ZMYM4: variants seen among roughly 807,000 people sequenced by gnomAD.
ZMYM4 encodes zinc finger MYM-type containing 4, also known as zinc finger MYM-type protein 4.
A neutral mutation model predicts 183.2 loss-of-function variants in ZMYM4; 31 were observed. The observed-to-expected ratio is 0.17, with a 90% CI of 0.13 to 0.23. The LOEUF (loss-of-function observed/expected upper bound fraction) is 0.23, where lower values mean the gene tolerates loss of function less well. ZMYM4 is among the 10% of genes least tolerant of loss of function. The probability of loss-of-function intolerance (pLI) is 1.00; values close to 1 mark genes in which losing one functional copy is unlikely to be tolerated. For missense variants in ZMYM4, 1,273 were observed against 1,840.3 expected, an observed-to-expected ratio of 0.69 and a Z score of 5.64; for synonymous variants, 592 against 631.2, an observed-to-expected ratio of 0.94 and a Z score of 0.93.
At position 35,286,772 on chromosome 1, in the gene ZMYM4, A is replaced by AT. The variant is rs71062872; in HGVS notation, c.39+17725dup. ...ACCCTTGTGCCTGGCTATTTAAATAATTTTTTTTTTTTTTTTTTTTTTTTT... is the reference window on the plus strand; with the variant it reads ...ACCCTTGTGCCTGGCTATTTAAATAATTTTTTTTTTTTTTTTTTTTTTTTTT... On this transcript the variant is annotated intron_variant, in intron 1 of 29. Coordinates refer to ENST00000314607, the MANE Select transcript of ZMYM4 (RefSeq NM_005095.3). 8.1e-3 allele frequency among the ~76,000 whole-genome samples: 376 copies of AT among 46,518 alleles called. 93 individuals are homozygous for AT. Among genetic ancestry groups the AT allele is most frequent in the Non-Finnish European group, 0.013 (287 of 22,878 alleles). 30.5% of individuals were successfully genotyped at this position (46,518 alleles called of 152,430 possible).
chr1:35,384,341 A>G (rs1203751175), intron 9 of ZMYM4, among the ~76,000 whole-genome samples: 1 of 152,202 alleles, frequency 6.6e-6, no homozygotes, highest in African/African-American at 2.4e-5. Flanking sequence ...TCAGGCATAT[A>G]TTCACTTTAC....
chr1:35,306,840 T>G (rs1641555014), intron 1 of ZMYM4, among the ~76,000 whole-genome samples: 2 of 152,212 alleles, frequency 1.3e-5, no homozygotes, highest in Admixed American at 6.5e-5. Flanking sequence ...ATTTGTAGAC[T>G]AGGTTAAGTC....
intron 1 of ZMYM4, among the ~76,000 whole-genome samples, chr1:35,284,557 G>C (rs1640375681): frequency 6.6e-6 from 1 of 152,152 alleles, no homozygotes; most frequent in Non-Finnish European, 1.5e-5. Flanking sequence ...TTTCCCCATT[G>C]AGTGGTCCTG....
chr1:35,314,937 A>T (rs1023860835), intron 1 of ZMYM4, among the ~76,000 whole-genome samples: 3 of 151,836 alleles, frequency 2.0e-5, no homozygotes, highest in African/African-American at 7.3e-5. Flanking sequence ...AGGCAGGAGA[A>T]TTGCTTTAAC....
At chr1:35,396,353 A>G (rs1644808115) in intron 18 of ZMYM4, among the ~76,000 whole-genome samples, 199 bp from the exon 19 acceptor site, 1 of 152,054 alleles carries the variant, frequency 6.6e-6, no homozygotes, top group Non-Finnish European at 1.5e-5. Context: ...GATATTTGTT[A>G]CCCACTTTTT....
At position 35,287,512 on chromosome 1, in the gene ZMYM4, A is replaced by G. The variant is rs144254657; in HGVS notation, c.39+18427A>G. On this transcript the variant is annotated intron_variant, in intron 1 of 29. Transcript: ENST00000314607. ...TCACTATGTCTACAACTGAACTCCT[A>G]CTTCCTTCTTCCCTGCCAATTACTT... Among the ~76,000 whole-genome samples the G allele has an allele frequency of 1.3e-4, 20 of 152,006 alleles. 2 individuals are homozygous for G. Among genetic ancestry groups the G allele is most frequent in the African/African-American group, 3.6e-4 (15 of 41,488 alleles).
intron 7 of ZMYM4, among the ~76,000 whole-genome samples, chr1:35,380,421 G>A (rs1008358711): frequency 2.0e-5 from 3 of 152,012 alleles, no homozygotes; most frequent in Non-Finnish European, 1.5e-5. Flanking sequence ...TCCGCTTCCC[G>A]GGTTCATGCC....
In ZMYM4 at chr1:35,323,151, G is replaced by A. The variant is rs531060960; in HGVS notation, c.40-2209G>A. On this transcript the variant is annotated intron_variant, in intron 1 of 29. Transcript: ENST00000314607. ...CAAGTAGCTGGGATTACAGGTGCCC[G>A]CCACCACGCCCAGCTAATTTTTGTA... Among the ~76,000 whole-genome samples the A allele has an allele frequency of 5.3e-5, 8 of 151,916 alleles. No homozygotes were observed. In the South Asian group the frequency reaches 8.3e-4, roughly 16 times the overall value.
At chr1:35,373,239 CAT>C (rs149850987) in intron 7 of ZMYM4, among the ~76,000 whole-genome samples, 3,200 of 147,870 alleles carry the variant, frequency 0.022, 111 homozygotes, top group African/African-American at 0.074. Flanking sequence ...TATATATATG[CAT>C]ATATATATAT....
At chr1:35,277,704 A>G (rs1639941600) in intron 1 of ZMYM4, among the ~76,000 whole-genome samples, 1 of 152,070 alleles carries the variant, frequency 6.6e-6, no homozygotes, top group East Asian at 1.9e-4. Context: ...TCCCTCATCA[A>G]TTATTTGGTT....
At chr1:35,329,350 T>C (rs913876449) in intron 2 of ZMYM4, among the ~76,000 whole-genome samples, 1 of 152,242 alleles carries the variant, frequency 6.6e-6, no homozygotes, top group Non-Finnish European at 1.5e-5. Context: ...ATTCTGTAGA[T>C]GATCTTAATT....
At chr1:35,301,208 A>G (rs1641261553) in intron 1 of ZMYM4, among the ~76,000 whole-genome samples, 2 of 152,104 alleles carry the variant, frequency 1.3e-5, no homozygotes, top group South Asian at 2.1e-4. Flanking sequence ...TTACTATACT[A>G]TTGAATATTT....
In ZMYM4 at chr1:35,389,520, C is replaced by A. The variant is rs1006010151; in HGVS notation, c.2437-428C>A. The stretch of plus-strand genomic sequence containing the variant: ...CTGTAATCCCAGCACTTTGGGAGGC[C>A]GAGGCGGGTGGATCATGAGGTTAGG... On this transcript the variant is annotated intron_variant, in intron 14 of 29. Transcript: ENST00000314607. The surrounding 1 kb of genome is among the most constrained non-coding windows in gnomAD (Gnocchi z 4.0). Among the ~76,000 whole-genome samples the A allele has an allele frequency of 1.3e-5, 2 of 151,826 alleles. No individual in the cohort carries two copies. The highest frequency in any genetic ancestry group is 4.8e-5 in the African/African-American group (2 of 41,344).
At chr1:35,325,327 G>A in intron 1 of ZMYM4, 33 bp from the exon 2 acceptor site, 1 of 1,584,374 alleles carries the variant, frequency 6.3e-7, no homozygotes, top group Non-Finnish European at 8.6e-7. Context: ...AGATATGATG[G>A]TAATGTTACT....
At chr1:35,309,082 G>A in intron 1 of ZMYM4, 2 of 980,392 alleles carry the variant, frequency 2.0e-6, no homozygotes, top group Non-Finnish European at 2.4e-6. Context: ...AGGTTCTATA[G>A]CACAGTTGCC....
intron 23 of ZMYM4, among the ~76,000 whole-genome samples, chr1:35,403,070 A>T (rs1438840009): frequency 1.3e-5 from 2 of 152,192 alleles, no homozygotes; most frequent in Non-Finnish European, 2.9e-5. Context: ...AAAGTTTTTT[A>T]AATCATGATT....
In ZMYM4 at chr1:35,418,433, C is replaced by G. The variant is rs1640208522; in HGVS notation, c.4310-10C>G. Reference sequence around the variant, plus strand: ...AATATAATCCTTTGATTATTATTTCCTGTCTCAAGATAAACTGACTGTTGG... The same window carrying G: ...AATATAATCCTTTGATTATTATTTCGTGTCTCAAGATAAACTGACTGTTGG... On this transcript the variant is annotated splice_polypyrimidine_tract_variant and intron_variant, in intron 28 of 29. Coordinates refer to ENST00000314607, the MANE Select transcript of ZMYM4 (RefSeq NM_005095.3). 6.2e-7 allele frequency: 1 copy of G among 1,612,044 alleles called. No individual in the cohort carries two copies. The highest frequency in any genetic ancestry group is 1.3e-5 in the African/African-American group (1 of 74,750).
chr1:35,374,618 T>C (rs140313039), intron 7 of ZMYM4, among the ~76,000 whole-genome samples: 2,045 of 148,714 alleles, frequency 0.014, 50 homozygotes, highest in African/African-American at 0.047. Context: ...CTGGGCAACA[T>C]AGTGAGACCT....
chr1:35,414,092 ATTT>A lies in ZMYM4; in HGVS notation c.4060+17_4060+19del, dbSNP rs552172550. On this transcript the variant is annotated intron_variant, in intron 27 of 29. Coordinates refer to ENST00000314607, the MANE Select transcript of ZMYM4 (RefSeq NM_005095.3). Reference sequence around the variant, plus strand: ...TACAATACTTCCTAATGGTAGGGTGATTTTTTTTTTATTGTTTTCATGATATGC... The same window carrying A: ...TACAATACTTCCTAATGGTAGGGTGATTTTTTTATTGTTTTCATGATATGC... The A allele has an allele frequency of 1.5e-5, 20 of 1,320,456 alleles. No individual in the cohort carries two copies. The highest frequency in any genetic ancestry group is 2.1e-5 in the Non-Finnish European group (20 of 961,826). 81.8% of individuals were successfully genotyped at this position (1,320,456 alleles called of 1,614,324 possible).
Sources: gnomAD v4.1 joint callset for allele counts (sites outside exome capture counted in the v4.1 genomes callset) on GRCh38, gnomAD v4.1.1 for gene constraint, Gnocchi (gnomAD v3.1) non-coding constraint, MANE v1.5 for transcripts, NCBI Gene and HGNC (gene_info 2026-07-23, HGNC 2026-07-21) for gene names.